Variants in GSTCD observed in about 807,000 individuals in gnomAD.
GSTCD encodes the protein glutathione S-transferase C-terminal domain containing, also known as glutathione S-transferase C-terminal domain-containing protein.
GSTCD carries 44 observed loss-of-function variants against 68.3 expected under a neutral mutation model. The observed-to-expected ratio is 0.64, with a 90% CI of 0.51 to 0.83. GSTCD has a LOEUF of 0.83. Ranked by LOEUF, GSTCD falls within the 40% of genes least tolerant of loss-of-function variation. The probability of loss-of-function intolerance (pLI) is 0.00; values close to 1 mark genes in which losing one functional copy is unlikely to be tolerated. For synonymous variants in GSTCD, 273 were observed against 255.2 expected (o/e 1.07, Z -0.67); for missense variants, 739 against 735.9 (o/e 1.00, Z -0.05).
intron 5 of GSTCD, chr4:105,760,993 T>C (rs1734384097): frequency 2.9e-6 from 1 of 343,500 alleles, no homozygotes; most frequent in South Asian, 2.1e-5. Context: ...TTATCCTTTT[T>C]TAATTTTTTT....
chr4:105,772,884 G>A (rs549839336), intron 5 of GSTCD, among the ~76,000 whole-genome samples: 3 of 152,272 alleles, frequency 2.0e-5, no homozygotes, highest in African/African-American at 7.2e-5. Context: ...AATGAGTTAG[G>A]GAGGAGTCCC....
At chr4:105,816,300 T>C (rs1243031256) in intron 5 of GSTCD, among the ~76,000 whole-genome samples, 1 of 152,150 alleles carries the variant, frequency 6.6e-6, no homozygotes, top group Non-Finnish European at 1.5e-5. Context: ...TTTTCATTTC[T>C]TTCCTTCTGG....
Position 105,717,923 on chromosome 4 carries a change from G to A in GSTCD, c.310G>A (p.Gly104Arg). Reference protein sequence around the residue: ...VERSDNFCRAGLAVVLRHIIQ... With the variant: ...VERSDNFCRARLAVVLRHIIQ... Reference sequence around the variant, plus strand: ...ACGATCAGACAATTTTTGTAGAGCAGGACTTGCTGTTGTATTGAGACACAT... The same window carrying A: ...ACGATCAGACAATTTTTGTAGAGCAAGACTTGCTGTTGTATTGAGACACAT... The change falls in exon 2 of 12, where the codon GGA becomes AGA. Residue 104 changes from glycine to arginine, a missense_variant. Transcript: ENST00000515279. The A allele has an allele frequency of 6.2e-7, 1 of 1,614,130 alleles. No individual in the cohort carries two copies. Among genetic ancestry groups the A allele is most frequent in the Non-Finnish European group, 8.5e-7 (1 of 1,180,006 alleles).
At chr4:105,734,277 C>A (rs186936675) in intron 5 of GSTCD, among the ~76,000 whole-genome samples, 49 of 152,124 alleles carry the variant, frequency 3.2e-4, no homozygotes, top group African/African-American at 2.2e-4. Context: ...TATCCTGCAG[C>A]GTGTTTTCCA....
intron 5 of GSTCD, among the ~76,000 whole-genome samples, chr4:105,746,847 A>G (rs1024175511): frequency 3.3e-5 from 5 of 152,220 alleles, no homozygotes; most frequent in African/African-American, 1.2e-4. Context: ...AATATAAAAC[A>G]AGGTAGTGAT....
At position 105,845,835 on chromosome 4, in the gene GSTCD, C is replaced by T; in HGVS notation, c.*258C>T. On this transcript the variant is annotated 3_prime_UTR_variant, in exon 12 of 12. Coordinates refer to ENST00000515279, the MANE Select transcript of GSTCD (RefSeq NM_001370181.1). ...AGTCTCAGCTGCCAAAAGAATAATA[C>T]TAGTGGAGGTTCCATCACAGGAATA... 2.4e-6 allele frequency: 1 copy of T among 420,162 alleles called. No individual in the cohort carries two copies. Among genetic ancestry groups the T allele is most frequent in the Non-Finnish European group, 4.4e-6 (1 of 229,112 alleles). 26.0% of individuals were successfully genotyped at this position (420,162 alleles called of 1,614,324 possible). A position where few individuals can be genotyped will look rare whatever the true frequency, so the allele number is the denominator to read the frequency against.
At chr4:105,743,413 C>G (rs1357868132) in intron 5 of GSTCD, among the ~76,000 whole-genome samples, 1 of 152,020 alleles carries the variant, frequency 6.6e-6, no homozygotes, top group Non-Finnish European at 1.5e-5. Flanking sequence ...TGACTTGAAA[C>G]TACAGATCCT....
chr4:105,785,366 A>G (rs746438763), intron 5 of GSTCD, among the ~76,000 whole-genome samples: 15 of 152,178 alleles, frequency 9.9e-5, no homozygotes, highest in Non-Finnish European at 1.5e-4. Context: ...AAAAAATCAT[A>G]CACCATAACC....
chr4:105,740,055 C>A (rs1733583720), intron 5 of GSTCD, among the ~76,000 whole-genome samples: 2 of 152,012 alleles, frequency 1.3e-5, no homozygotes. Context: ...TTGGCAGCAG[C>A]TTAGCCTCAG....
At chr4:105,821,327 T>C (rs1186638455) in intron 5 of GSTCD, 1 of 151,938 alleles carries the variant, frequency 6.6e-6, no homozygotes, top group Admixed American at 6.6e-5. Context: ...TCTAAGATTC[T>C]TTCAGTTTTG....
chr4:105,809,802 C>CT (rs1182519950), intron 5 of GSTCD, among the ~76,000 whole-genome samples: 2 of 150,712 alleles, frequency 1.3e-5, no homozygotes, highest in Non-Finnish European at 3.0e-5. Flanking sequence ...TATACCTGGT[C>CT]TTTTTTCCTC....
intron 5 of GSTCD, among the ~76,000 whole-genome samples, chr4:105,810,365 G>C (rs1722704248): frequency 6.6e-6 from 1 of 152,044 alleles, no homozygotes; most frequent in Non-Finnish European, 1.5e-5. Context: ...AACGAGTGAG[G>C]AAATTATCAT....
chr4:105,837,473 C>T (rs1001823419), intron 9 of GSTCD, among the ~76,000 whole-genome samples: 1 of 152,142 alleles, frequency 6.6e-6, no homozygotes, highest in African/African-American at 2.4e-5. Context: ...TGGCATGCCC[C>T]CTCTTCTTGG....
At chr4:105,722,816 G>T (rs1382249725) in intron 3 of GSTCD, among the ~76,000 whole-genome samples, 4 of 149,928 alleles carry the variant, frequency 2.7e-5, no homozygotes, top group Admixed American at 2.7e-4. Flanking sequence ...TATTTATAAT[G>T]GTTTTGATCT....
intron 5 of GSTCD, among the ~76,000 whole-genome samples, chr4:105,755,609 G>A (rs3943980): frequency 0.82 from 125,230 of 152,042 alleles, 51,904 homozygotes; most frequent in East Asian, 0.96. Flanking sequence ...CATGTTAAGG[G>A]TTCAGTTCCA....
chr4:105,823,139 G>T (rs750334828), intron 6 of GSTCD, 70 bp downstream of exon 6: 3 of 1,569,000 alleles, frequency 1.9e-6, no homozygotes. Context: ...TTACATTCAA[G>T]GTCATGTTTT....
chr4:105,731,162 T>C (rs1339719582), intron 5 of GSTCD, among the ~76,000 whole-genome samples: 1 of 152,154 alleles, frequency 6.6e-6, no homozygotes, highest in East Asian at 1.9e-4. Flanking sequence ...AGTCAGGTAG[T>C]GTGATGTCTC....
chr4:105,743,131 T>C (rs1050688676), intron 5 of GSTCD, among the ~76,000 whole-genome samples: 1 of 152,016 alleles, frequency 6.6e-6, no homozygotes, highest in Non-Finnish European at 1.5e-5. Flanking sequence ...TTTGTATTTT[T>C]AGTAGAGACG....
chr4:105,786,526 A>G (rs931197144), intron 5 of GSTCD, among the ~76,000 whole-genome samples: 2 of 146,836 alleles, frequency 1.4e-5, no homozygotes, highest in Admixed American at 6.8e-5. Context: ...AAAGAAAAAC[A>G]CCATCCAAAA....
Sources: gnomAD v4.1 joint callset for allele counts (sites outside exome capture counted in the v4.1 genomes callset) on GRCh38, gnomAD v4.1.1 for gene constraint, MANE v1.5 for transcripts, NCBI Gene and HGNC (gene_info 2026-07-23, HGNC 2026-07-21) for gene names.